The following RIT2 variants were observed in gnomAD, a reference collection of about 807,000 sequenced individuals.
The protein encoded by RIT2 is GTP-binding protein Rit2.
Under a neutral mutation model 23.7 loss-of-function variants are expected in RIT2, and 24 were observed. The observed-to-expected ratio is 1.01, with a 90% CI of 0.73 to 1.43. The LOEUF is 1.43. RIT2 is among the 40% of genes most tolerant of loss of function. RIT2 has a pLI of 0.00. For synonymous variants in RIT2, 107 were observed against 91.1 expected (o/e 1.17, Z -0.99); for missense variants, 236 against 266.9 (o/e 0.88, Z 0.81).
intron 4 of RIT2, among the ~76,000 whole-genome samples, chr18:42,887,408 T>G (rs1315444417): frequency 6.6e-6 from 1 of 152,190 alleles, no homozygotes; most frequent in Non-Finnish European, 1.5e-5. Flanking sequence ...GTTTGAAAAG[T>G]AACATGAAAT....
At chr18:42,859,361 A>G (rs653863) in intron 4 of RIT2, among the ~76,000 whole-genome samples, 2,656 of 152,322 alleles carry the variant, frequency 0.017, 100 homozygotes, top group African/African-American at 0.06. Flanking sequence ...CCTTGGCGAA[A>G]TGATTATTCA....
At chr18:42,812,597 A>G (rs1316254369) in intron 4 of RIT2, among the ~76,000 whole-genome samples, 1 of 152,112 alleles carries the variant, frequency 6.6e-6, no homozygotes, top group Non-Finnish European at 1.5e-5. Context: ...TCTCTCAGAG[A>G]CAGAATGCAT....
intron 4 of RIT2, among the ~76,000 whole-genome samples, chr18:42,919,387 G>A (rs536200835): frequency 7.2e-5 from 11 of 152,154 alleles, no homozygotes; most frequent in African/African-American, 1.9e-4. Context: ...TGTTGGTACC[G>A]AAAGGTTTGT....
At chr18:42,836,600 T>A (rs1183849264) in intron 4 of RIT2, among the ~76,000 whole-genome samples, 1 of 152,142 alleles carries the variant, frequency 6.6e-6, no homozygotes, top group Non-Finnish European at 1.5e-5. Flanking sequence ...TTTTCCTCAT[T>A]GTAGGTTAAT....
At chr18:42,751,169 T>C (rs763478300) in intron 4 of RIT2, among the ~76,000 whole-genome samples, 19 of 151,850 alleles carry the variant, frequency 1.3e-4, no homozygotes, top group Non-Finnish European at 2.2e-4. Flanking sequence ...TGCCCTGACA[T>C]TGAGTTATCA....
At chr18:42,878,728 C>T (rs922108419) in intron 4 of RIT2, among the ~76,000 whole-genome samples, 20 of 152,076 alleles carry the variant, frequency 1.3e-4, no homozygotes, top group African/African-American at 3.9e-4. Flanking sequence ...ATCTCCATGT[C>T]ACTACAAACC....
At chr18:43,069,360 C>T (rs867505447) in intron 1 of RIT2, among the ~76,000 whole-genome samples, 22 of 152,132 alleles carry the variant, frequency 1.4e-4, no homozygotes, top group Middle Eastern at 3.2e-3. Flanking sequence ...ACACTGTGGA[C>T]TCGCTCTGAA....
chr18:42,967,579 G>T (rs1910265124), intron 3 of RIT2, among the ~76,000 whole-genome samples: 1 of 121,204 alleles, frequency 8.3e-6, no homozygotes, highest in Non-Finnish European at 1.6e-5. Flanking sequence ...TTTTAGTAGA[G>T]ACGGGGTTTC....
At position 42,752,669 on chromosome 18, in the gene RIT2, T is replaced by G. The variant is rs1913074232; in HGVS notation, c.427-8949A>C. Among the ~76,000 whole-genome samples, 4 of 152,114 alleles carry G rather than the reference T, an allele frequency of 2.6e-5. No homozygotes were observed. In the South Asian group the frequency reaches 8.3e-4, roughly 32 times the overall value. ...GAGGTTTTACAACTTAAAATAATTC[T>G]TAAATAGTAAACAAATGGCACACAA... On this transcript the variant is annotated intron_variant, in intron 4 of 4. Transcript: ENST00000326695.
At chr18:42,807,107 C>T (rs1905705118) in intron 4 of RIT2, among the ~76,000 whole-genome samples, 1 of 152,132 alleles carries the variant, frequency 6.6e-6, no homozygotes, top group African/African-American at 2.4e-5. Context: ...ATTGGCCTTT[C>T]AAATTATGTA....
intron 4 of RIT2, among the ~76,000 whole-genome samples, chr18:42,809,771 A>C (rs1905783479): frequency 2.0e-5 from 3 of 148,592 alleles, no homozygotes; most frequent in African/African-American, 7.3e-5. Flanking sequence ...ACACATATTT[A>C]ATGTGATAAA....
rs2144358792 is a variant in RIT2, at chr18:43,089,895, T to C, written c.103+25522A>G. Among the ~76,000 whole-genome samples the C allele has an allele frequency of 1.3e-5, 2 of 152,064 alleles. 1 individual carries two copies. Among genetic ancestry groups the C allele is most frequent in the South Asian group, 4.2e-4 (2 of 4,818 alleles). Reference sequence around the variant, plus strand: ...TTCATATACAAAAAGTAAATCAAGATGGAATAAAGATTTAAATATACATCC... The same window carrying C: ...TTCATATACAAAAAGTAAATCAAGACGGAATAAAGATTTAAATATACATCC... On this transcript the variant is annotated intron_variant, in intron 1 of 4. Coordinates refer to ENST00000326695, the MANE Select transcript of RIT2 (RefSeq NM_002930.4).
At chr18:42,899,433 C>A (rs1216933364) in intron 4 of RIT2, among the ~76,000 whole-genome samples, 2 of 151,528 alleles carry the variant, frequency 1.3e-5, no homozygotes, top group African/African-American at 2.4e-5. Flanking sequence ...CTACAGTGTC[C>A]CATATGTCAC....
intron 3 of RIT2, among the ~76,000 whole-genome samples, chr18:42,948,153 C>T (rs1909769725): frequency 6.6e-6 from 1 of 152,058 alleles, no homozygotes; most frequent in Non-Finnish European, 1.5e-5. Flanking sequence ...TACATTTAAT[C>T]TTATGCAGAG....
chr18:42,845,320 G>T (rs1004551412), intron 4 of RIT2, among the ~76,000 whole-genome samples: 8 of 151,728 alleles, frequency 5.3e-5, no homozygotes, highest in African/African-American at 1.5e-4. Flanking sequence ...GTGTGAAGAG[G>T]TCAAATATGT....
At chr18:43,064,443 C>T (rs565449401) in intron 1 of RIT2, among the ~76,000 whole-genome samples, 1 of 152,172 alleles carries the variant, frequency 6.6e-6, no homozygotes, top group African/African-American at 2.4e-5. Flanking sequence ...TTTTTACATC[C>T]TATTACTAAG....
rs191829257 is a variant in RIT2 at position 42,995,716 on chromosome 18, C to G, written c.161-21569G>C. The stretch of plus-strand genomic sequence containing the variant: ...TTTACCACTTTCCCTTCTCAGAATT[C>G]AGTCCTGTCCTTGGAATGCTACAGG... On this transcript the variant is annotated intron_variant, in intron 2 of 4. Transcript: ENST00000326695. Among the ~76,000 whole-genome samples the G allele has an allele frequency of 8.9e-4, 136 of 152,316 alleles. No individual in the cohort carries two copies. In the East Asian group the frequency reaches 0.016, roughly 18 times the overall value.
intron 4 of RIT2, among the ~76,000 whole-genome samples, chr18:42,746,773 A>C (rs2143875571): frequency 6.6e-6 from 1 of 152,198 alleles, no homozygotes; most frequent in Admixed American, 6.5e-5. Flanking sequence ...AGGAAAGGAC[A>C]TAACAAAAAC....
intron 4 of RIT2, among the ~76,000 whole-genome samples, chr18:42,853,593 A>G (rs1465828615): frequency 1.3e-5 from 2 of 152,142 alleles, no homozygotes; most frequent in Non-Finnish European, 2.9e-5. Context: ...ATACATTTAT[A>G]TTTTTGGCTT....
Sources: gnomAD v4.1 joint callset for allele counts (sites outside exome capture counted in the v4.1 genomes callset) on GRCh38, gnomAD v4.1.1 for gene constraint, MANE v1.5 for transcripts, NCBI Gene and HGNC (gene_info 2026-07-23, HGNC 2026-07-21) for gene names.